INSC: variants seen among roughly 807,000 people sequenced by gnomAD.
The protein encoded by INSC is INSC spindle orientation adaptor protein, also known as protein inscuteable homolog.
In INSC, 67 loss-of-function variants were observed where a neutral mutation model predicts 58.6. The observed-to-expected ratio is 1.14, with a 90% CI of 0.94 to 1.40. The LOEUF (loss-of-function observed/expected upper bound fraction) is 1.40. Among genes scored for constraint, INSC ranks in the 40% most tolerant of loss-of-function variants. INSC has a pLI of 0.00. For synonymous variants in INSC, 262 were observed against 276.1 expected, an observed-to-expected ratio of 0.95 and a Z score of 0.51; for missense variants, 714 against 692.0, an observed-to-expected ratio of 1.03 and a Z score of -0.36.
chr11:15,117,931 CGA>C (rs1435433058), intron 1 of INSC, among the ~76,000 whole-genome samples: 1 of 152,144 alleles, frequency 6.6e-6, no homozygotes, highest in African/African-American at 2.4e-5. Context: ...CCCCCTGCTC[CGA>C]GTGTTTCAGC....
At chr11:15,267,122 C>A in the INSC span, among the ~76,000 whole-genome samples, 4,572 of 152,012 alleles carry the variant, frequency 0.03, 113 homozygotes, top group Middle Eastern at 0.13. Context: ...ATGTAAAATT[C>A]TTGGTTAACA....
At chr11:15,219,692 G>C (rs1022092238) in intron 7 of INSC, among the ~76,000 whole-genome samples, 1 of 152,186 alleles carries the variant, frequency 6.6e-6, no homozygotes, top group Non-Finnish European at 1.5e-5. Context: ...GACCAGGATA[G>C]CATCTGCAAC....
intron 12 of INSC, among the ~76,000 whole-genome samples, chr11:15,242,251 T>C (rs1273423306): frequency 2.0e-5 from 3 of 152,208 alleles, no homozygotes; most frequent in African/African-American, 7.2e-5. Context: ...ATATGAAGGC[T>C]TGTGATTATT....
chr11:15,235,132 A>G lies in INSC; in HGVS notation c.1171-470A>G, dbSNP rs560234164. ...TCTAACGTGACCTTAGCCTTCATTC[A>G]TCACAGGTTGAAAGTAGGTGAGGGT... is the stretch of plus-strand genomic sequence containing the variant. On this transcript the variant is annotated intron_variant, in intron 9 of 12. Coordinates refer to ENST00000379556, the MANE Select transcript of INSC (RefSeq NM_001042536.3). 2.9e-5 allele frequency: 6 copies of G among 209,256 alleles called. No individual in the cohort carries two copies. In the East Asian group the frequency reaches 4.8e-4, roughly 17 times the overall value. The allele number at this position is 209,256 out of a possible 1,614,324, so 13.0% of individuals were successfully genotyped here.
chr11:15,164,706 G>A (rs761304554), intron 2 of INSC, among the ~76,000 whole-genome samples: 10 of 151,728 alleles, frequency 6.6e-5, no homozygotes, highest in Non-Finnish European at 1.2e-4. Flanking sequence ...TTTCTTCTTC[G>A]TCTCATAAGA....
At chr11:15,165,440 T>C (rs1849161966) in intron 2 of INSC, among the ~76,000 whole-genome samples, 1 of 152,232 alleles carries the variant, frequency 6.6e-6, no homozygotes. Context: ...GTTATTATTA[T>C]CTTTCACCAT....
rs531329121 is a variant in INSC, at chr11:15,229,631, C to T, written c.1170+3803C>T. Among the ~76,000 whole-genome samples, 25 of 151,766 alleles carry T rather than the reference C, an allele frequency of 1.6e-4. 1 individual carries two copies. Among genetic ancestry groups the T allele is most frequent in the East Asian group, 7.8e-4 (4 of 5,130 alleles). ...GCTCATAAAGTACTTAGAAGCAAAG[C>T]GAATACCCAATAATGAATGGGATGG... is the stretch of plus-strand genomic sequence containing the variant. On this transcript the variant is annotated intron_variant, in intron 9 of 12. Transcript: ENST00000379556.
chr11:15,217,960 G>T (rs558024150), intron 7 of INSC, among the ~76,000 whole-genome samples: 1 of 152,020 alleles, frequency 6.6e-6, no homozygotes, highest in Non-Finnish European at 1.5e-5. Flanking sequence ...CTATCATGTC[G>T]CAAAACAATT....
intron 1 of INSC, among the ~76,000 whole-genome samples, chr11:15,137,265 A>C (rs943591528): frequency 6.6e-6 from 1 of 152,230 alleles, no homozygotes; most frequent in Non-Finnish European, 1.5e-5. Flanking sequence ...TATATTTTGC[A>C]TAATTTTTAA....
chr11:15,266,596 CTTA>C, the INSC span, among the ~76,000 whole-genome samples: 1 of 151,890 alleles, frequency 6.6e-6, no homozygotes, highest in Non-Finnish European at 1.5e-5. Context: ...TAGAAGCTAT[CTTA>C]TTATGCACAT....
intron 4 of INSC, among the ~76,000 whole-genome samples, chr11:15,177,970 CTT>C (rs1391676416): frequency 6.6e-6 from 1 of 152,228 alleles, no homozygotes; most frequent in Non-Finnish European, 1.5e-5. Flanking sequence ...TGGCACCTCT[CTT>C]TGAAGCTTCT....
At chr11:15,182,527 A>C (rs1849817741) in intron 5 of INSC, among the ~76,000 whole-genome samples, 1 of 152,228 alleles carries the variant, frequency 6.6e-6, no homozygotes, top group Non-Finnish European at 1.5e-5. Flanking sequence ...CTTTTCCTGC[A>C]AAGTCAGGCA....
At chr11:15,223,215 A>AATT (rs1286448829) in intron 8 of INSC, among the ~76,000 whole-genome samples, 1 of 152,234 alleles carries the variant, frequency 6.6e-6, no homozygotes, top group African/African-American at 2.4e-5. Flanking sequence ...AAAATTTCTC[A>AATT]ATTTATAAAC....
intron 12 of INSC, among the ~76,000 whole-genome samples, chr11:15,240,944 G>T (rs990491464): frequency 6.6e-6 from 1 of 152,176 alleles, no homozygotes; most frequent in African/African-American, 2.4e-5. Context: ...GAGCCCATCT[G>T]CTGGTGCTCT....
intron 12 of INSC, among the ~76,000 whole-genome samples, chr11:15,243,660 GCT>G (rs1852445873): frequency 6.6e-6 from 1 of 152,002 alleles, no homozygotes; most frequent in South Asian, 2.1e-4. Context: ...TCTCTCTGCC[GCT>G]CTCTGTTGTG....
Position 15,132,794 on chromosome 11 carries a change from A to G in INSC, c.-45-16336A>G, listed in dbSNP as rs78030942. 3.3e-3 allele frequency among the ~76,000 whole-genome samples: 504 copies of G among 152,304 alleles called. 2 individuals carry two copies. Among genetic ancestry groups the G allele is most frequent in the Non-Finnish European group, 5.7e-3 (389 of 68,030 alleles). On this transcript the variant is annotated intron_variant, in intron 1 of 12. Transcript: ENST00000379556. Reference sequence around the variant, plus strand: ...TACTTATTCTTGAAAGATAATTTCTATGGATATGGAATTTTGGGACAATTA... The same window carrying G: ...TACTTATTCTTGAAAGATAATTTCTGTGGATATGGAATTTTGGGACAATTA...
At chr11:15,240,544 C>G in intron 12 of INSC, 21 bp downstream of exon 12, 1 of 1,605,804 alleles carries the variant, frequency 6.2e-7, no homozygotes, top group Non-Finnish European at 8.5e-7. Flanking sequence ...AGTCTTCCCC[C>G]AGCTTTTCCC....
intron 5 of INSC, among the ~76,000 whole-genome samples, chr11:15,184,050 A>G (rs977173953): frequency 4.6e-5 from 7 of 152,150 alleles, no homozygotes; most frequent in African/African-American, 1.7e-4. Flanking sequence ...ATTGAATTAC[A>G]TATGCTTTTT....
At chr11:15,153,564 TGAAAA>T (rs1005682797) in intron 2 of INSC, among the ~76,000 whole-genome samples, 2 of 152,222 alleles carry the variant, frequency 1.3e-5, no homozygotes, top group African/African-American at 4.8e-5. Context: ...TTGTTTAAGC[TGAAAA>T]GAAGGCCAAT....
Sources: allele counts gnomAD v4.1 joint callset (sites outside exome capture counted in the v4.1 genomes callset), GRCh38; gene constraint gnomAD v4.1.1; transcripts MANE v1.5; gene names NCBI Gene and HGNC (gene_info 2026-07-23, HGNC 2026-07-21).